Variants in NUP210 observed in about 807,000 individuals in gnomAD.
NUP210 encodes nuclear pore membrane glycoprotein 210.
In NUP210, 151 loss-of-function variants were observed where a neutral mutation model predicts 196.0. That is an observed-to-expected ratio of 0.77 (90% CI 0.67 to 0.88). The LOEUF (loss-of-function observed/expected upper bound fraction) is 0.88. NUP210 is among the 40% of genes least tolerant of loss of function. NUP210 has a pLI of 0.00. For missense variants in NUP210, 2,314 were observed against 2,493.7 expected (o/e 0.93, Z 1.53); for synonymous variants, 1,070 against 1,052.7 (o/e 1.02, Z -0.32).
intron 1 of NUP210, among the ~76,000 whole-genome samples, chr3:13,402,496 T>C (rs1436242069): frequency 2.0e-5 from 3 of 152,116 alleles, no homozygotes; most frequent in Non-Finnish European, 4.4e-5. Context: ...GCTCTTCCTA[T>C]CCAAGTAAAA....
At chr3:13,401,979 G>A (rs997061707) in intron 1 of NUP210, among the ~76,000 whole-genome samples, 1 of 151,946 alleles carries the variant, frequency 6.6e-6, no homozygotes, top group Non-Finnish European at 1.5e-5. Flanking sequence ...AGGATCATTT[G>A]AGCCCAAAAG....
At chr3:13,378,202 C>A (rs536606310) in intron 8 of NUP210, among the ~76,000 whole-genome samples, 74 of 151,202 alleles carry the variant, frequency 4.9e-4, no homozygotes, top group African/African-American at 1.8e-3. Flanking sequence ...TCTGAATCCA[C>A]AACAGTTCTC....
Position 13,321,788 on chromosome 3 carries a change from G to A in NUP210, c.4963C>T (p.Arg1655Trp), listed in dbSNP as rs759963204. Reference protein sequence around the residue: ...ITMHRLTDKQRKHLSMKKTAL... With the variant: ...ITMHRLTDKQWKHLSMKKTAL... ...GTCTTCTTCATGCTCAGGTGCTTCC[G>A]CTGCTTGTCCGTCAGCCTGTGCATT... The change falls in exon 36 of 40, where the codon CGG becomes TGG. Residue 1655 changes from arginine (R) to tryptophan (W), a missense_variant. Physicochemically the swap from Arg to Trp is moderately radical, Grantham distance 101 (BLOSUM62 -3). Coordinates refer to ENST00000254508, the MANE Select transcript of NUP210 (RefSeq NM_024923.4). 18 of 1,611,332 alleles carry A rather than the reference G, an allele frequency of 1.1e-5. No individual in the cohort carries two copies. In the Admixed American group the frequency reaches 1.3e-4, roughly 12 times the overall value.
At position 13,341,979 on chromosome 3, in the gene NUP210, C is replaced by A; in HGVS notation, c.3092+17G>T. 1 of 1,613,980 alleles carries A rather than the reference C, an allele frequency of 6.2e-7. No individual in the cohort carries two copies. The highest frequency in any genetic ancestry group is 8.5e-7 in the Non-Finnish European group (1 of 1,179,924). The stretch of plus-strand genomic sequence containing the variant: ...CTGTCTCTGAGGTGCCCTCCTCTGA[C>A]CCCTAGGAGAACTCACACCAATGTA... On this transcript the variant is annotated intron_variant, in intron 22 of 39. Coordinates refer to ENST00000254508, the MANE Select transcript of NUP210 (RefSeq NM_024923.4).
intron 1 of NUP210, among the ~76,000 whole-genome samples, chr3:13,409,635 C>T (rs1372595709): frequency 3.3e-5 from 5 of 152,096 alleles, no homozygotes; most frequent in Admixed American, 6.6e-5. Context: ...CATGAAGCCA[C>T]GTCCCTAGAC....
At position 13,342,544 on chromosome 3, in the gene NUP210, T is replaced by C. The variant is rs74820154; in HGVS notation, c.2965-421A>G. ...GCAAACAGCAGTGGAAATGAGATTA[T>C]ACAAGGAGTATGTGAGGCTGGGTAC... On this transcript the variant is annotated intron_variant, in intron 21 of 39. Coordinates refer to ENST00000254508, the MANE Select transcript of NUP210 (RefSeq NM_024923.4). Among the ~76,000 whole-genome samples the C allele has an allele frequency of 9.1e-3, 1,382 of 152,292 alleles. 20 individuals are homozygous for C. The highest frequency in any genetic ancestry group is 0.031 in the African/African-American group (1,300 of 41,554).
At position 13,383,606 on chromosome 3, in the gene NUP210, C is replaced by A. The variant is rs181144096; in HGVS notation, c.817+2669G>T. ...GGTGCGATCTCAGCTACTGCAACAT[C>A]CTCTGCCTCCCGGGTTCAAGCAATT... is the stretch of plus-strand genomic sequence containing the variant. On this transcript the variant is annotated intron_variant, in intron 6 of 39. Transcript: ENST00000254508. Among the ~76,000 whole-genome samples the A allele has an allele frequency of 2.9e-3, 415 of 142,896 alleles. 3 individuals carry two copies. The highest frequency in any genetic ancestry group is 0.01 in the African/African-American group (395 of 38,770). The allele number at this position is 142,896 out of a possible 152,430, so 93.7% of individuals were successfully genotyped here.
intron 4 of NUP210, among the ~76,000 whole-genome samples, chr3:13,388,699 C>T (rs2124932575): frequency 6.6e-6 from 1 of 152,372 alleles, no homozygotes; most frequent in African/African-American, 2.4e-5. Flanking sequence ...TCCAAGATGC[C>T]TGGGAATCTG....
At chr3:13,334,637 G>A (rs565384590) in intron 28 of NUP210, among the ~76,000 whole-genome samples, 1 of 152,262 alleles carries the variant, frequency 6.6e-6, no homozygotes, top group East Asian at 1.9e-4. Context: ...TACAGCTTAG[G>A]AGCACCCAGG....
At chr3:13,374,695 C>T (rs1698842370) in intron 11 of NUP210, among the ~76,000 whole-genome samples, 1 of 152,222 alleles carries the variant, frequency 6.6e-6, no homozygotes, top group African/African-American at 2.4e-5. Flanking sequence ...CCTGACCAGA[C>T]ACAAGCTCCC....
intron 6 of NUP210, among the ~76,000 whole-genome samples, chr3:13,384,169 G>C (rs1355907583): frequency 1.3e-5 from 2 of 151,782 alleles, no homozygotes; most frequent in Admixed American, 1.3e-4. Context: ...CACCATGTTG[G>C]TCAGGCTGGT....
At chr3:13,374,608 C>T (rs1407942815) in intron 11 of NUP210, among the ~76,000 whole-genome samples, 15 of 152,180 alleles carry the variant, frequency 9.9e-5, no homozygotes, top group African/African-American at 4.8e-5. Context: ...GGCCCCAGAA[C>T]CTGGTGGCAC....
chr3:13,340,053 C>A lies in NUP210; in HGVS notation c.3292-20G>T. 5.0e-6 allele frequency: 8 copies of A among 1,610,180 alleles called. No individual in the cohort carries two copies. The highest frequency in any genetic ancestry group is 6.8e-6 in the Non-Finnish European group (8 of 1,177,410). On this transcript the variant is annotated intron_variant, in intron 24 of 39. Transcript: ENST00000254508. The surrounding 1 kb of genome is among the most constrained non-coding windows in gnomAD (Gnocchi z 4.0). Reference sequence around the variant, plus strand: ...GGTGACCTGAGCGGGGAGGAAACAGCGGCGTGTCAGTGCCCGTCATGCCAG... The same window carrying A: ...GGTGACCTGAGCGGGGAGGAAACAGAGGCGTGTCAGTGCCCGTCATGCCAG...
At chr3:13,337,208 C>G (rs553924248) in intron 26 of NUP210, among the ~76,000 whole-genome samples, 1 of 152,344 alleles carries the variant, frequency 6.6e-6, no homozygotes, top group African/African-American at 2.4e-5. Flanking sequence ...GGTCCCCCAG[C>G]AGCACAGCTC....
intron 14 of NUP210, among the ~76,000 whole-genome samples, chr3:13,361,656 TC>T (rs1449251297): frequency 6.6e-6 from 1 of 152,150 alleles, no homozygotes; most frequent in Non-Finnish European, 1.5e-5. Context: ...TCCTCACTTG[TC>T]AGTCTGCTCC....
intron 1 of NUP210, among the ~76,000 whole-genome samples, chr3:13,419,375 C>T (rs1035035354): frequency 6.6e-6 from 1 of 152,152 alleles, no homozygotes; most frequent in Non-Finnish European, 1.5e-5. Flanking sequence ...TTTCATGGGT[C>T]CCTGTGGTTC....
At chr3:13,414,744 T>G (rs983000417) in intron 1 of NUP210, among the ~76,000 whole-genome samples, 1 of 152,254 alleles carries the variant, frequency 6.6e-6, no homozygotes, top group Non-Finnish European at 1.5e-5. Context: ...AGGCTTATGC[T>G]GAGCGCCCTC....
chr3:13,394,360 G>T (rs7641686), intron 3 of NUP210, among the ~76,000 whole-genome samples: 88,294 of 152,168 alleles, frequency 0.58, 26,881 homozygotes, highest in African/African-American at 0.77. Flanking sequence ...CTTTTTCCAC[G>T]CAAAAAGAAG....
chr3:13,353,902 G>T lies in NUP210; in HGVS notation c.2521+13C>A. ...TTCTCCTGCCTGGGCCATCAGGCTT[G>T]TGCCCAGCTCACCGTGCAGCTTCTT... On this transcript the variant is annotated intron_variant, in intron 17 of 39. Coordinates refer to ENST00000254508, the MANE Select transcript of NUP210 (RefSeq NM_024923.4). 5.6e-6 allele frequency: 9 copies of T among 1,600,560 alleles called. No individual in the cohort carries two copies. Among genetic ancestry groups the T allele is most frequent in the Non-Finnish European group, 7.7e-6 (9 of 1,172,632 alleles).
Sources: allele counts gnomAD v4.1 joint callset (sites outside exome capture counted in the v4.1 genomes callset), GRCh38; gene constraint gnomAD v4.1.1; non-coding constraint Gnocchi (gnomAD v3.1); transcripts MANE v1.5; gene names NCBI Gene and HGNC (gene_info 2026-07-23, HGNC 2026-07-21).